The following RIMBP2 variants were observed in gnomAD, a reference collection of about 807,000 sequenced individuals.
RIMBP2 encodes the protein RIMS-binding protein 2.
In RIMBP2, 48 loss-of-function variants were observed where a neutral mutation model predicts 118.6. The observed-to-expected ratio is 0.40, with a 90% CI of 0.32 to 0.51. The LOEUF (loss-of-function observed/expected upper bound fraction) is 0.51. RIMBP2 is among the 20% of genes least tolerant of loss of function. The pLI is 0.41. For synonymous variants in RIMBP2, 762 were observed against 742.9 expected (o/e 1.03, Z -0.42); for missense variants, 1,551 against 1,768.3 (o/e 0.88, Z 2.20).
intron 11 of RIMBP2, among the ~76,000 whole-genome samples, chr12:130,439,425 ATGTGTATGTGGGTG>A (rs1302980628): frequency 7.2e-6 from 1 of 139,794 alleles, no homozygotes; most frequent in Non-Finnish European, 1.5e-5. Context: ...ATATGGGTAT[ATGTGTATGTGGGTG>A]TGTGGGTGTG....
chr12:130,687,971 A>G (rs1426766928), intron 1 of RIMBP2, among the ~76,000 whole-genome samples: 2 of 152,200 alleles, frequency 1.3e-5, no homozygotes, highest in East Asian at 3.9e-4. Flanking sequence ...TTTAGAAATT[A>G]TTACCACGAG....
At chr12:130,509,738 C>T (rs1297797495) in intron 3 of RIMBP2, among the ~76,000 whole-genome samples, 1 of 151,230 alleles carries the variant, frequency 6.6e-6, no homozygotes, top group Non-Finnish European at 1.5e-5. Context: ...CCCCCCGCCC[C>T]GGCAACAGCA....
At chr12:130,711,576 G>A (rs1949918850) in intron 1 of RIMBP2, among the ~76,000 whole-genome samples, 1 of 152,114 alleles carries the variant, frequency 6.6e-6, no homozygotes, top group South Asian at 2.1e-4. Context: ...ACGTCATTTG[G>A]ACTTAAAGTT....
intron 1 of RIMBP2, among the ~76,000 whole-genome samples, chr12:130,705,321 G>A (rs777712514): frequency 5.9e-5 from 9 of 152,184 alleles, no homozygotes; most frequent in Admixed American, 6.5e-5. Context: ...GAAGCCGCCC[G>A]GAGCCTCCCG....
At chr12:130,470,809 T>C (rs1020682906) in intron 5 of RIMBP2, 66 bp from the exon 6 acceptor site, 1 of 932,064 alleles carries the variant, frequency 1.1e-6, no homozygotes, top group African/African-American at 1.7e-5. Flanking sequence ...ATCGGATCAA[T>C]GTCTGAATCA....
intron 1 of RIMBP2, among the ~76,000 whole-genome samples, chr12:130,651,753 A>G (rs1028407428): frequency 6.6e-6 from 1 of 152,202 alleles, no homozygotes; most frequent in African/African-American, 2.4e-5. Context: ...AACACATTTC[A>G]CATTATGAAT....
chr12:130,649,464 G>A (rs1408695520), intron 1 of RIMBP2, among the ~76,000 whole-genome samples: 2 of 152,190 alleles, frequency 1.3e-5, no homozygotes, highest in Admixed American at 6.5e-5. Context: ...TCTCCCATTG[G>A]CCAGAACAAG....
intron 4 of RIMBP2, among the ~76,000 whole-genome samples, chr12:130,479,965 G>A (rs564461795): frequency 6.6e-6 from 1 of 151,954 alleles, no homozygotes; most frequent in Non-Finnish European, 1.5e-5. Context: ...CCCTGACAGT[G>A]AGGACCAGGC....
chr12:130,571,037 G>GA (rs1306912157), intron 2 of RIMBP2, among the ~76,000 whole-genome samples: 1 of 152,092 alleles, frequency 6.6e-6, no homozygotes, highest in Non-Finnish European at 1.5e-5. Context: ...CAGGAACTGA[G>GA]AAAAAAATGT....
intron 1 of RIMBP2, among the ~76,000 whole-genome samples, chr12:130,629,393 T>C (rs1004129555): frequency 6.6e-6 from 1 of 152,232 alleles, no homozygotes; most frequent in African/African-American, 2.4e-5. Context: ...GGACTCTTCG[T>C]CTGACAGGGA....
At chr12:130,506,599 C>T in intron 4 of RIMBP2, 49 bp downstream of exon 4, 1 of 985,416 alleles carries the variant, frequency 1.0e-6, no homozygotes, top group Non-Finnish European at 1.2e-6. Context: ...TTCCTCACAC[C>T]GACCTCACAA....
chr12:130,428,061 G>A, intron 15 of RIMBP2, 118 bp downstream of exon 15: 2 of 902,406 alleles, frequency 2.2e-6, no homozygotes. Flanking sequence ...CCAAATCCGA[G>A]GGCTACTGGT....
rs923304454 is a variant in RIMBP2 at position 130,447,729 on chromosome 12, C to T, written c.582-2460G>A. On this transcript the variant is annotated intron_variant, in intron 9 of 22. Transcript: ENST00000690449. This position sits in a 1 kb window ranked among gnomAD's most constrained non-coding sequence, Gnocchi z 4.4. Reference sequence around the variant, plus strand: ...AGGATGGTGATGAATGTGTCAGCCTCACCCTGGACCTCGGGTGGGAAGGAC... The same window carrying T: ...AGGATGGTGATGAATGTGTCAGCCTTACCCTGGACCTCGGGTGGGAAGGAC... Among the ~76,000 whole-genome samples, 6 of 152,166 alleles carry T rather than the reference C, an allele frequency of 3.9e-5. No homozygotes were observed. Among genetic ancestry groups the T allele is most frequent in the African/African-American group, 1.4e-4 (6 of 41,434 alleles).
chr12:130,530,204 A>G lies in RIMBP2; in HGVS notation c.-216-12287T>C, dbSNP rs984608525. On this transcript the variant is annotated intron_variant, in intron 2 of 22. Coordinates refer to ENST00000690449, the MANE Select transcript of RIMBP2 (RefSeq NM_001393629.1). ...ATCAACAACAATCTGCGCCAATACT[A>G]GAGGGAAAACTTCGCCAGGGGAACT... 1.6e-4 allele frequency among the ~76,000 whole-genome samples: 24 copies of G among 152,168 alleles called. 1 individual carries two copies. The highest frequency in any genetic ancestry group is 1.6e-3 in the Admixed American group (24 of 15,278).
chr12:130,691,631 A>G (rs996222092), intron 1 of RIMBP2, among the ~76,000 whole-genome samples: 4 of 152,162 alleles, frequency 2.6e-5, no homozygotes, highest in African/African-American at 4.8e-5. Flanking sequence ...AGATGGCCCC[A>G]CTGCACTCCA....
rs146918389 is a variant in RIMBP2, at chr12:130,631,846, C to T, written c.-351-3390G>A. ...TTTATACACTTAATTTTTCAAATTA[C>T]ATGCATGCACTTTCAAGTTATAAAC... On this transcript the variant is annotated intron_variant, in intron 1 of 22. Coordinates refer to ENST00000690449, the MANE Select transcript of RIMBP2 (RefSeq NM_001393629.1). Among the ~76,000 whole-genome samples, 1,520 of 152,278 alleles carry T rather than the reference C, an allele frequency of 1.0e-2. 19 individuals are homozygous for T. The highest frequency in any genetic ancestry group is 0.07 in the South Asian group (339 of 4,822).
At chr12:130,663,794 T>C (rs1029700871) in intron 1 of RIMBP2, among the ~76,000 whole-genome samples, 6 of 151,716 alleles carry the variant, frequency 4.0e-5, no homozygotes, top group Non-Finnish European at 5.9e-5. Flanking sequence ...TCTAGGAATT[T>C]ACCCTCAAGA....
intron 2 of RIMBP2, among the ~76,000 whole-genome samples, chr12:130,565,035 T>G (rs1226805488): frequency 1.3e-5 from 2 of 152,224 alleles, no homozygotes; most frequent in Admixed American, 1.3e-4. Flanking sequence ...GGTATCCAAT[T>G]ATACCACCAT....
At chr12:130,699,160 G>T (rs1450761804) in intron 1 of RIMBP2, among the ~76,000 whole-genome samples, 1 of 152,208 alleles carries the variant, frequency 6.6e-6, no homozygotes, top group Non-Finnish European at 1.5e-5. Flanking sequence ...CATTGTGGAA[G>T]TCAGTGTGGC....
Sources: gnomAD v4.1 joint callset for allele counts (sites outside exome capture counted in the v4.1 genomes callset) on GRCh38, gnomAD v4.1.1 for gene constraint, Gnocchi (gnomAD v3.1) non-coding constraint, MANE v1.5 for transcripts, NCBI Gene and HGNC (gene_info 2026-07-23, HGNC 2026-07-21) for gene names.